RANBP10: variants seen among roughly 807,000 people sequenced by gnomAD.
RANBP10 encodes ran-binding protein 10.
A neutral mutation model predicts 72.8 loss-of-function variants in RANBP10; 24 were observed. That is an observed-to-expected ratio of 0.33 (90% confidence interval 0.24 to 0.46). The LOEUF is 0.46. Ranked by LOEUF, RANBP10 falls within the 20% of genes least tolerant of loss-of-function variation. The pLI is 1.00. For synonymous variants in RANBP10, 310 were observed against 322.3 expected (o/e 0.96, Z 0.41); for missense variants, 679 against 817.5 (o/e 0.83, Z 2.07).
rs2053557611 is a variant in RANBP10 at position 67,723,341 on chromosome 16, G to A, written c.*3087C>T. ...AGGAAAATGCCTGAGGCAGCCAGAGGCCACAATCTGGCCACAGGTCTGGGT... is the reference window on the plus strand; with the variant it reads ...AGGAAAATGCCTGAGGCAGCCAGAGACCACAATCTGGCCACAGGTCTGGGT... On this transcript the variant is annotated 3_prime_UTR_variant, in exon 14 of 14. Coordinates refer to ENST00000317506, the MANE Select transcript of RANBP10 (RefSeq NM_020850.3). 6.6e-6 allele frequency: 1 copy of A among 152,670 alleles called. No homozygotes were observed. Among genetic ancestry groups the A allele is most frequent in the African/African-American group, 2.4e-5 (1 of 41,456 alleles). The allele number at this position is 152,670 out of a possible 1,614,324, so 9.5% of individuals were successfully genotyped here.
chr16:67,802,911 C>T (rs931229405), intron 2 of RANBP10, among the ~76,000 whole-genome samples: 1 of 152,052 alleles, frequency 6.6e-6, no homozygotes, highest in African/African-American at 2.4e-5. Flanking sequence ...TAAACACTTC[C>T]CTTCTGAAGT....
At chr16:67,789,091 CTT>C in intron 2 of RANBP10, among the ~76,000 whole-genome samples, 1 of 151,278 alleles carries the variant, frequency 6.6e-6, no homozygotes, top group Non-Finnish European at 1.5e-5. Context: ...GGGCAGATTA[CTT>C]GAGGTCAAGA....
intron 5 of RANBP10, among the ~76,000 whole-genome samples, chr16:67,735,437 A>T (rs1346634649): frequency 6.6e-6 from 1 of 152,158 alleles, no homozygotes; most frequent in Admixed American, 6.6e-5. Context: ...TCCAGGGCCA[A>T]GGATCTCTCT....
At position 67,806,362 on chromosome 16, in the gene RANBP10, G is replaced by A; in HGVS notation, c.175C>T (p.Pro59Ser). Reference protein sequence around the residue: ...QETPLPRSWSPKDKYNYIGLS... With the variant: ...QETPLPRSWSSKDKYNYIGLS... Reference sequence around the variant, plus strand: ...CCAATGTAGTTGTATTTGTCCTTGGGGCTCCAGGAGCGCGGCAGCGGAGTC... The same window carrying A: ...CCAATGTAGTTGTATTTGTCCTTGGAGCTCCAGGAGCGCGGCAGCGGAGTC... Residue 59 changes from proline (P) to serine (S), a missense_variant, in exon 1 of 14, where the codon CCC (proline) becomes TCC (serine). Coordinates refer to ENST00000317506, the MANE Select transcript of RANBP10 (RefSeq NM_020850.3). 1 of 1,613,394 alleles carries A rather than the reference G, an allele frequency of 6.2e-7. No individual in the cohort carries two copies. The highest frequency in any genetic ancestry group is 8.5e-7 in the Non-Finnish European group (1 of 1,179,724).
rs550650609 is a variant in RANBP10 at position 67,725,874 on chromosome 16, G to A, written c.*554C>T. On this transcript the variant is annotated 3_prime_UTR_variant, in exon 14 of 14. Coordinates refer to ENST00000317506, the MANE Select transcript of RANBP10 (RefSeq NM_020850.3). ...GAGATTCTTCTTTTTTAATGAGTTG[G>A]ACTCAAAGAAAACATGGTGCCTGGA... 1.3e-5 allele frequency: 2 copies of A among 152,564 alleles called. No homozygotes were observed. The highest frequency in any genetic ancestry group is 2.1e-4 in the South Asian group (1 of 4,820). 9.5% of individuals were successfully genotyped at this position (152,564 alleles called of 1,614,324 possible). A position where few individuals can be genotyped will look rare whatever the true frequency, so the allele number is the denominator to read the frequency against.
chr16:67,760,523 G>C (rs2054376554), intron 3 of RANBP10, among the ~76,000 whole-genome samples: 1 of 152,194 alleles, frequency 6.6e-6, no homozygotes, highest in Admixed American at 6.5e-5. Flanking sequence ...ATGCTCACTT[G>C]ATCAGGACCA....
chr16:67,748,519 C>T (rs1170841315), intron 3 of RANBP10, among the ~76,000 whole-genome samples: 1 of 150,658 alleles, frequency 6.6e-6, no homozygotes, highest in Admixed American at 6.6e-5. Flanking sequence ...AGCGAAACTC[C>T]GTCTAAAAAA....
rs6499138 is a variant in RANBP10, at chr16:67,725,974, A to T, written c.*454T>A. On this transcript the variant is annotated 3_prime_UTR_variant, in exon 14 of 14. Coordinates refer to ENST00000317506, the MANE Select transcript of RANBP10 (RefSeq NM_020850.3). The stretch of plus-strand genomic sequence containing the variant: ...CTTTTTTTTTAATATATATATTTTT[A>T]TATATATATATATAATCTCATTTGT... The T allele has an allele frequency of 0.13, 17,849 of 142,634 alleles. 2,591 individuals carry two copies. Among genetic ancestry groups the T allele is most frequent in the African/African-American group, 0.35 (14,218 of 40,200 alleles). 8.8% of individuals were successfully genotyped at this position (142,634 alleles called of 1,614,324 possible).
At chr16:67,781,824 C>T (rs1465947905) in intron 2 of RANBP10, among the ~76,000 whole-genome samples, 1 of 152,152 alleles carries the variant, frequency 6.6e-6, no homozygotes, top group African/African-American at 2.4e-5. Flanking sequence ...CAAGTGGAGT[C>T]GAGATCCACC....
At chr16:67,739,394 G>A (rs2053922162) in intron 4 of RANBP10, among the ~76,000 whole-genome samples, 1 of 152,196 alleles carries the variant, frequency 6.6e-6, no homozygotes, top group African/African-American at 2.4e-5. Flanking sequence ...GCTAGCAAAG[G>A]TGGTGGGGCT....
intron 2 of RANBP10, among the ~76,000 whole-genome samples, chr16:67,800,065 T>C (rs1432275434): frequency 6.6e-6 from 1 of 151,780 alleles, no homozygotes; most frequent in Non-Finnish European, 1.5e-5. Flanking sequence ...AGGTTTGCAG[T>C]GAGCCAAGAT....
intron 3 of RANBP10, among the ~76,000 whole-genome samples, chr16:67,767,125 G>A (rs2054516813): frequency 6.6e-6 from 1 of 152,138 alleles, no homozygotes; most frequent in African/African-American, 2.4e-5. Context: ...CCAGTAGCTG[G>A]CTTCAGACCA....
Position 67,727,353 on chromosome 16 carries a change from C to T in RANBP10, c.1706G>A (p.Cys569Tyr), listed in dbSNP as rs1258050138. ...TAAAATGGCGCTGTTGAGGGCAGCACACACAGGTTCCCTCTGGATGGGGTC... is the reference window on the plus strand; with the variant it reads ...TAAAATGGCGCTGTTGAGGGCAGCATACACAGGTTCCCTCTGGATGGGGTC... ...QLDPIQREPV[C>Y]AALNSAILES... The change falls in exon 13 of 14, where the codon TGT becomes TAT. Residue 569 changes from cysteine to tyrosine, a missense_variant. Cys to Tyr is a radical substitution (Grantham distance 194). Transcript: ENST00000317506. 2 of 1,613,276 alleles carry T rather than the reference C, an allele frequency of 1.2e-6. No homozygotes were observed. Among genetic ancestry groups the T allele is most frequent in the African/African-American group, 2.7e-5 (2 of 74,898 alleles).
chr16:67,783,912 C>T (rs1278155190), intron 2 of RANBP10, among the ~76,000 whole-genome samples: 5 of 151,922 alleles, frequency 3.3e-5, no homozygotes, highest in South Asian at 2.1e-4. Flanking sequence ...GGCGTGCTGA[C>T]GGGTGTCTAT....
At chr16:67,801,924 ATC>A (rs947403323) in intron 2 of RANBP10, among the ~76,000 whole-genome samples, 2 of 151,952 alleles carry the variant, frequency 1.3e-5, no homozygotes, top group African/African-American at 2.4e-5. Context: ...GTGAGACCCC[ATC>A]TCTACAAAAA....
At chr16:67,767,377 A>T (rs2054522286) in intron 3 of RANBP10, among the ~76,000 whole-genome samples, 1 of 146,334 alleles carries the variant, frequency 6.8e-6, no homozygotes. Flanking sequence ...AGATCATTTG[A>T]GCCTATGAAT....
At chr16:67,797,328 T>C (rs752418454) in intron 2 of RANBP10, among the ~76,000 whole-genome samples, 7 of 152,232 alleles carry the variant, frequency 4.6e-5, no homozygotes, top group Non-Finnish European at 1.0e-4. Context: ...CAGCTCACAG[T>C]TGGAGCCTGG....
intron 3 of RANBP10, among the ~76,000 whole-genome samples, chr16:67,746,164 T>A (rs1005305417): frequency 2.7e-5 from 4 of 147,184 alleles, no homozygotes; most frequent in Admixed American, 6.8e-5. Flanking sequence ...CTCAAAAAAA[T>A]AAAAAATAAA....
chr16:67,772,834 G>C (rs776518300), intron 2 of RANBP10, among the ~76,000 whole-genome samples: 2 of 152,174 alleles, frequency 1.3e-5, no homozygotes, highest in Non-Finnish European at 2.9e-5. Context: ...GTGGGTGTCA[G>C]CTTCCTCTGG....
Sources: gnomAD v4.1 joint callset for allele counts (sites outside exome capture counted in the v4.1 genomes callset) on GRCh38, gnomAD v4.1.1 for gene constraint, MANE v1.5 for transcripts, NCBI Gene and HGNC (gene_info 2026-07-23, HGNC 2026-07-21) for gene names.